NPAS3: variants seen among roughly 807,000 people sequenced by gnomAD.
NPAS3 encodes the protein neuronal PAS domain-containing protein 3.
In NPAS3, 14 loss-of-function variants were observed where a neutral mutation model predicts 73.1. That is an observed-to-expected ratio of 0.19 (90% CI 0.13 to 0.30). NPAS3 has a LOEUF of 0.30. Ranked by LOEUF, NPAS3 falls within the 10% of genes least tolerant of loss-of-function variation. The probability of loss-of-function intolerance (pLI) is 1.00; values close to 1 mark genes in which losing one functional copy is unlikely to be tolerated. For missense variants in NPAS3, 1,096 were observed against 1,250.0 expected, an observed-to-expected ratio of 0.88 and a Z score of 1.86; for synonymous variants, 620 against 541.5, an observed-to-expected ratio of 1.14 and a Z score of -2.01.
chr14:33,087,562 G>A (rs2042080012), intron 2 of NPAS3, among the ~76,000 whole-genome samples: 1 of 152,100 alleles, frequency 6.6e-6, no homozygotes, highest in Non-Finnish European at 1.5e-5. Flanking sequence ...TTGGCTAAAT[G>A]TTTTAAAGTA....
intron 1 of NPAS3, among the ~76,000 whole-genome samples, chr14:33,022,709 C>T (rs2039653284): frequency 6.7e-6 from 1 of 148,584 alleles, no homozygotes. Context: ...TGTAAGAAAA[C>T]CCAACTCATT....
At chr14:33,028,815 A>G (rs1398129021) in intron 1 of NPAS3, among the ~76,000 whole-genome samples, 1 of 152,120 alleles carries the variant, frequency 6.6e-6, no homozygotes, top group Admixed American at 6.5e-5. Flanking sequence ...ACATATATGT[A>G]TATATTTTTT....
At chr14:33,539,273 A>C (rs1032381222) in intron 4 of NPAS3, among the ~76,000 whole-genome samples, 16 of 152,070 alleles carry the variant, frequency 1.1e-4, no homozygotes, top group African/African-American at 3.6e-4. Context: ...AGTGGAGGGC[A>C]GGGGTTCAGG....
intron 6 of NPAS3, among the ~76,000 whole-genome samples, chr14:33,708,333 C>T (rs1430102403): frequency 6.6e-6 from 1 of 152,142 alleles, no homozygotes; most frequent in Non-Finnish European, 1.5e-5. Flanking sequence ...AAAGGGAGTA[C>T]TGGTGGGTGT....
intron 4 of NPAS3, among the ~76,000 whole-genome samples, chr14:33,379,977 C>CGTGTGTGTGTGTGTGT (rs34208750): frequency 0.029 from 4,173 of 144,244 alleles, 89 homozygotes; most frequent in Admixed American, 0.055. Flanking sequence ...AGTTATCCCT[C>CGTGTGTGTGTGTGTGT]GTGTGTGTGT....
chr14:33,682,846 T>TCCCACTAGGC (rs2059977307), intron 6 of NPAS3, among the ~76,000 whole-genome samples: 1 of 152,170 alleles, frequency 6.6e-6, no homozygotes, highest in Non-Finnish European at 1.5e-5. Context: ...AATCTCTCCT[T>TCCCACTAGGC]CCCACTAGGC....
chr14:33,329,003 G>A (rs1016404623), intron 3 of NPAS3, among the ~76,000 whole-genome samples: 1 of 152,074 alleles, frequency 6.6e-6, no homozygotes, highest in Non-Finnish European at 1.5e-5. Flanking sequence ...AACATGTAAG[G>A]ACTTTTTTCT....
At chr14:33,415,629 G>T (rs1474431490) in intron 4 of NPAS3, among the ~76,000 whole-genome samples, 1 of 152,106 alleles carries the variant, frequency 6.6e-6, no homozygotes, top group Non-Finnish European at 1.5e-5. Context: ...TATGTAATCA[G>T]TGTATAAAAT....
intron 3 of NPAS3, among the ~76,000 whole-genome samples, chr14:33,275,930 G>A (rs1018216467): frequency 6.6e-6 from 1 of 152,096 alleles, no homozygotes; most frequent in Non-Finnish European, 1.5e-5. Context: ...TTTGGTGTGA[G>A]AGCACACAAT....
At chr14:33,686,391 C>T (rs1156978723) in intron 6 of NPAS3, among the ~76,000 whole-genome samples, 1 of 152,112 alleles carries the variant, frequency 6.6e-6, no homozygotes, top group Non-Finnish European at 1.5e-5. Flanking sequence ...AGAGCAGTGA[C>T]CTAATGAAAA....
chr14:33,800,746 G>GGCC lies in NPAS3; in HGVS notation c.2443_2445dup (p.Ala815dup), dbSNP rs1566560526. ...TGGTGCACAGGGTGACCGGGACCCT[G>GGCC]GCCGCCACCAGCACGGCCGCGCAGA... is the stretch of plus-strand genomic sequence containing the variant. On this transcript the variant is annotated inframe_insertion, in exon 12 of 12. Coordinates refer to ENST00000356141, the Ensembl canonical transcript of NPAS3. The surrounding 1 kb of genome is among the most constrained non-coding windows in gnomAD (Gnocchi z 6.5). The GGCC allele has an allele frequency of 6.4e-7, 1 of 1,561,444 alleles. No individual in the cohort carries two copies. The highest frequency in any genetic ancestry group is 1.9e-5 in the Admixed American group (1 of 52,790).
chr14:33,312,804 A>C (rs2043056683), intron 3 of NPAS3, among the ~76,000 whole-genome samples: 1 of 151,718 alleles, frequency 6.6e-6, no homozygotes, highest in Admixed American at 6.6e-5. Flanking sequence ...AAAGCCTTAG[A>C]GAGAGATACG....
chr14:33,279,797 G>T (rs1216325182), intron 3 of NPAS3, among the ~76,000 whole-genome samples: 1 of 152,032 alleles, frequency 6.6e-6, no homozygotes, highest in African/African-American at 2.4e-5. Flanking sequence ...ATTCTACCCT[G>T]GGAATGAAAT....
intron 1 of NPAS3, among the ~76,000 whole-genome samples, chr14:32,991,235 C>T (rs1182220808): frequency 1.3e-5 from 2 of 151,934 alleles, no homozygotes; most frequent in Admixed American, 1.3e-4. Flanking sequence ...CCCAGAAAGC[C>T]TTTCTAGGTG....
intron 4 of NPAS3, among the ~76,000 whole-genome samples, chr14:33,410,914 G>T (rs1275307129): frequency 1.3e-5 from 2 of 152,142 alleles, no homozygotes; most frequent in Non-Finnish European, 2.9e-5. Context: ...CCAAAGTGCT[G>T]GGATTACAGG....
At chr14:33,100,592 C>CA (rs1472932931) in intron 2 of NPAS3, among the ~76,000 whole-genome samples, 1 of 152,070 alleles carries the variant, frequency 6.6e-6, no homozygotes, top group East Asian at 1.9e-4. Flanking sequence ...TATAATTATA[C>CA]AACGCTATTT....
chr14:33,141,912 C>T (rs1311866453), intron 2 of NPAS3, among the ~76,000 whole-genome samples: 1 of 152,142 alleles, frequency 6.6e-6, no homozygotes, highest in Non-Finnish European at 1.5e-5. Context: ...ATCATTTCGC[C>T]ACACCTTTGT....
At chr14:33,332,125 A>G (rs2044012731) in intron 3 of NPAS3, among the ~76,000 whole-genome samples, 1 of 152,226 alleles carries the variant, frequency 6.6e-6, no homozygotes, top group Admixed American at 6.5e-5. Flanking sequence ...TTAAGGTAAT[A>G]CAAGGTTCTG....
At chr14:33,772,757 A>G (rs2062694991) in intron 7 of NPAS3, among the ~76,000 whole-genome samples, 1 of 152,188 alleles carries the variant, frequency 6.6e-6, no homozygotes, top group African/African-American at 2.4e-5. Context: ...TGTGTCTGTG[A>G]TGGTGTTTTA....
Sources: gnomAD v4.1 joint callset for allele counts (sites outside exome capture counted in the v4.1 genomes callset) on GRCh38, gnomAD v4.1.1 for gene constraint, Gnocchi (gnomAD v3.1) non-coding constraint, MANE v1.5 for transcripts, NCBI Gene and HGNC (gene_info 2026-07-23, HGNC 2026-07-21) for gene names.